Variants in STX12 observed in about 807,000 individuals in gnomAD.
The protein encoded by STX12 is syntaxin-12.
A neutral mutation model predicts 42.2 loss-of-function variants in STX12; 17 were observed. The ratio of observed to expected loss-of-function variants is 0.40; its 90% CI spans 0.28 to 0.60. The LOEUF is 0.60. Ranked by LOEUF, STX12 falls within the 20% of genes least tolerant of loss-of-function variation. STX12 has a pLI of 0.39. For missense variants in STX12, 297 were observed against 330.9 expected, an observed-to-expected ratio of 0.90 and a Z score of 0.79; for synonymous variants, 108 against 116.7, an observed-to-expected ratio of 0.93 and a Z score of 0.48.
chr1:27,780,092 T>C (rs2088657728), intron 1 of STX12, among the ~76,000 whole-genome samples: 5 of 151,850 alleles, frequency 3.3e-5, no homozygotes, highest in African/African-American at 9.7e-5. Flanking sequence ...CGTCCGCCCT[T>C]TGGTTCCTCC....
intron 4 of STX12, chr1:27,810,041 G>A: frequency 2.0e-6 from 1 of 507,954 alleles, no homozygotes. Flanking sequence ...TTTCTGTTCA[G>A]GACTCAAACT....
At chr1:27,787,658 CA>C (rs74312775) in intron 1 of STX12, among the ~76,000 whole-genome samples, 215 of 136,802 alleles carry the variant, frequency 1.6e-3, no homozygotes, top group Middle Eastern at 3.6e-3. Flanking sequence ...GACTCTGTAT[CA>C]AAAAAAAAAA....
chr1:27,782,834 C>T (rs1395699740), intron 1 of STX12, among the ~76,000 whole-genome samples: 1 of 152,018 alleles, frequency 6.6e-6, no homozygotes, highest in Non-Finnish European at 1.5e-5. Flanking sequence ...AAAGCTCTGT[C>T]TCAAAAAAAT....
At chr1:27,821,458 C>T (rs1316557787) in intron 8 of STX12, among the ~76,000 whole-genome samples, 1 of 151,594 alleles carries the variant, frequency 6.6e-6, no homozygotes, top group East Asian at 1.9e-4. Context: ...CAATGTGATC[C>T]AGTTATGTCA....
chr1:27,802,527 A>C (rs760291297), intron 4 of STX12, among the ~76,000 whole-genome samples: 3 of 152,206 alleles, frequency 2.0e-5, no homozygotes, highest in Admixed American at 6.6e-5. Flanking sequence ...AGGGAGGAGA[A>C]ATCTAGACAA....
At chr1:27,809,107 A>T (rs1239055064) in intron 4 of STX12, among the ~76,000 whole-genome samples, 1 of 152,116 alleles carries the variant, frequency 6.6e-6, no homozygotes, top group Non-Finnish European at 1.5e-5. Context: ...AGGCCGAGGC[A>T]GGCGGATCAC....
chr1:27,784,105 G>A (rs2088685705), intron 1 of STX12, among the ~76,000 whole-genome samples: 1 of 152,060 alleles, frequency 6.6e-6, no homozygotes, highest in Non-Finnish European at 1.5e-5. Flanking sequence ...GCTTGAACCT[G>A]GGAGGCAGAG....
chr1:27,785,887 G>A (rs1247393412), intron 1 of STX12, among the ~76,000 whole-genome samples: 2 of 152,214 alleles, frequency 1.3e-5, no homozygotes, highest in African/African-American at 4.8e-5. Flanking sequence ...AAGGGAGCAG[G>A]TTAGAGGAAG....
chr1:27,809,209 C>T (rs2148605683), intron 4 of STX12, among the ~76,000 whole-genome samples: 1 of 151,944 alleles, frequency 6.6e-6, no homozygotes, highest in South Asian at 2.1e-4. Flanking sequence ...TGGCGTGCAC[C>T]TGTAGTCCCA....
chr1:27,793,552 A>G lies in STX12; in HGVS notation c.208A>G (p.Thr70Ala), dbSNP rs1381102228. Residue 70 changes from threonine to alanine, a missense_variant, in exon 3 of 9, where the codon ACA (threonine) becomes GCA (alanine). Transcript: ENST00000373943. ...TCTTAGGCAACAGTTACAACACTCC[A>G]CAAATCAGCTCGCCAAGGAAACAAA... Reference protein sequence around the residue: ...QENLQQLQHSTNQLAKETNEL... With the variant: ...QENLQQLQHSANQLAKETNEL... 1.9e-6 allele frequency: 3 copies of G among 1,614,148 alleles called. No individual in the cohort carries two copies. Among genetic ancestry groups the G allele is most frequent in the Non-Finnish European group, 8.5e-7 (1 of 1,180,000 alleles).
chr1:27,786,210 G>T (rs574885755), intron 1 of STX12, among the ~76,000 whole-genome samples: 2 of 152,266 alleles, frequency 1.3e-5, no homozygotes, highest in Non-Finnish European at 2.9e-5. Flanking sequence ...CCACCTCTCT[G>T]CTGTCTCTTG....
At position 27,801,682 on chromosome 1, in the gene STX12, A is replaced by C; in HGVS notation, c.293A>C (p.Gln98Pro). The C allele has an allele frequency of 6.6e-7, 1 of 1,516,244 alleles. No homozygotes were observed. The highest frequency in any genetic ancestry group is 1.3e-5 in the South Asian group (1 of 75,352). 93.9% of individuals were successfully genotyped at this position (1,516,244 alleles called of 1,614,324 possible). A position where few individuals can be genotyped will look rare whatever the true frequency, so the allele number is the denominator to read the frequency against. ...PLPLSTSEQRQQRLQKERLMN... is the reference protein window; with the variant it reads ...PLPLSTSEQRPQRLQKERLMN... ...GTTCTTGCTTGATTTCCTTAGCGCC[A>C]GCAGAGACTTCAGAAGGAACGCCTC... Residue 98 changes from glutamine (Q) to proline (P), a missense_variant, in exon 4 of 9, where the codon CAG becomes CCG. Coordinates refer to ENST00000373943, the MANE Select transcript of STX12 (RefSeq NM_177424.3).
intron 1 of STX12, 102 bp downstream of exon 1, chr1:27,773,527 C>T (rs997732583): frequency 3.6e-5 from 38 of 1,067,862 alleles, no homozygotes; most frequent in Non-Finnish European, 4.8e-5. Context: ...GCCGAGGCCA[C>T]ACCTGGGGCT....
chr1:27,792,215 T>TATATATATGTATATAC (rs1243975491), intron 2 of STX12, among the ~76,000 whole-genome samples: 4 of 108,710 alleles, frequency 3.7e-5, no homozygotes, highest in African/African-American at 1.1e-4. Context: ...TATATGTATC[T>TATATATATGTATATAC]ATATATATGT....
At position 27,817,997 on chromosome 1, in the gene STX12, C is replaced by A. The variant is rs80082430; in HGVS notation, c.649+74C>A. The A allele has an allele frequency of 4.9e-3, 6,436 of 1,310,136 alleles. 140 individuals are homozygous for A. In the African/African-American group the frequency reaches 0.06, roughly 12 times the overall value. The allele number at this position is 1,310,136 out of a possible 1,614,324, so 81.2% of individuals were successfully genotyped here. A position where few individuals can be genotyped will look rare whatever the true frequency, so the allele number is the denominator to read the frequency against. ...GCATGCATCTGTAATCCCAGCTACT[C>A]AGAAGGCTGAGGCTGAAGCACCATC... On this transcript the variant is annotated intron_variant, in intron 7 of 8. Transcript: ENST00000373943.
intron 1 of STX12, among the ~76,000 whole-genome samples, chr1:27,775,366 G>A (rs144505702): frequency 1.3e-5 from 2 of 152,286 alleles, no homozygotes; most frequent in African/African-American, 4.8e-5. Context: ...CAACCTCCCT[G>A]GCTCAAGCAG....
intron 1 of STX12, among the ~76,000 whole-genome samples, chr1:27,787,864 T>C (rs1407538961): frequency 6.6e-6 from 1 of 152,188 alleles, no homozygotes; most frequent in African/African-American, 2.4e-5. Context: ...ATTTCAAAAT[T>C]CTAATAAGTG....
intron 2 of STX12, among the ~76,000 whole-genome samples, chr1:27,791,987 A>T (rs549957820): frequency 6.9e-6 from 1 of 145,562 alleles, no homozygotes; most frequent in Non-Finnish European, 1.5e-5. Flanking sequence ...CATCTCAAAA[A>T]ATATATATAT....
chr1:27,798,962 A>C lies in STX12; in HGVS notation c.289-2716A>C, dbSNP rs1007472407. On this transcript the variant is annotated intron_variant, in intron 3 of 8. Coordinates refer to ENST00000373943, the MANE Select transcript of STX12 (RefSeq NM_177424.3). The stretch of plus-strand genomic sequence containing the variant: ...GAGCAAGACCCTGTCTCAAAAAAAA[A>C]AAAAACAAAAACATAATTGTGAAGA... 7.7e-4 allele frequency among the ~76,000 whole-genome samples: 117 copies of C among 151,956 alleles called. 1 individual carries two copies. The highest frequency in any genetic ancestry group is 1.1e-3 in the Non-Finnish European group (75 of 67,950).
Sources: gnomAD v4.1 joint callset for allele counts (sites outside exome capture counted in the v4.1 genomes callset) on GRCh38, gnomAD v4.1.1 for gene constraint, MANE v1.5 for transcripts, NCBI Gene and HGNC (gene_info 2026-07-23, HGNC 2026-07-21) for gene names.